CHLSN: variants seen among roughly 807,000 people sequenced by gnomAD.
The protein encoded by CHLSN is cholesin.
chr7:990,464 C>T, the CHLSN span, among the ~76,000 whole-genome samples: 12 of 151,836 alleles, frequency 7.9e-5, no homozygotes, highest in African/African-American at 1.9e-4. Context: ...GAGCGGCAGG[C>T]GGCCCCTCAC....
At chr7:1,003,860 G>A in the CHLSN span, among the ~76,000 whole-genome samples, 2 of 124,550 alleles carry the variant, frequency 1.6e-5, no homozygotes, top group African/African-American at 3.3e-5. Flanking sequence ...GGTGAGTGGA[G>A]TCCTGTGGGT....
chr7:1,012,592 G>A, the CHLSN span, among the ~76,000 whole-genome samples: 237 of 152,362 alleles, frequency 1.6e-3, 3 homozygotes, highest in African/African-American at 5.3e-3. Context: ...CCGTGTCCCC[G>A]AGGGAGCCAC....
chr7:1,096,502 G>A, the CHLSN span, among the ~76,000 whole-genome samples: 5 of 152,306 alleles, frequency 3.3e-5, no homozygotes, highest in South Asian at 2.1e-4. This position sits in a 1 kb window ranked among gnomAD's most constrained non-coding sequence, Gnocchi z 4.6. Flanking sequence ...GGGTGCCGCC[G>A]GCGCAGCCAC....
At chr7:1,113,577 G>A in the CHLSN span, among the ~76,000 whole-genome samples, 10 of 152,218 alleles carry the variant, frequency 6.6e-5, no homozygotes, top group Non-Finnish European at 1.0e-4. Flanking sequence ...GGATGGCAGC[G>A]CTGGGCAGGG....
chr7:1,052,729 C>G, the CHLSN span, among the ~76,000 whole-genome samples: 1 of 151,990 alleles, frequency 6.6e-6, no homozygotes, highest in Non-Finnish European at 1.5e-5. The surrounding 1 kb of genome is among the most constrained non-coding windows in gnomAD (Gnocchi z 4.2). Flanking sequence ...CCCCCGCCAC[C>G]GGGCAGGCAG....
the CHLSN span, chr7:1,057,870 T>A: frequency 1.3e-6 from 1 of 777,348 alleles, no homozygotes; most frequent in Admixed American, 1.7e-5. Context: ...GGCCATGTAC[T>A]CCACCGCCCT....
chr7:1,132,991 G>A, the CHLSN span, among the ~76,000 whole-genome samples: 14 of 152,148 alleles, frequency 9.2e-5, no homozygotes, highest in African/African-American at 3.4e-4. Context: ...TGATGTTCAC[G>A]GCAGTATGTG....
the CHLSN span, chr7:1,028,447 G>A: frequency 7.1e-6 from 7 of 985,600 alleles, no homozygotes; most frequent in Admixed American, 6.1e-5. Flanking sequence ...TGCGGGGACT[G>A]GACCTCGGCG....
the CHLSN span, among the ~76,000 whole-genome samples, chr7:1,023,624 A>AACACACACACACACACACACACACAC: frequency 1.3e-4 from 16 of 122,384 alleles, no homozygotes; most frequent in Admixed American, 5.5e-4. The surrounding 1 kb of genome is among the most constrained non-coding windows in gnomAD (Gnocchi z 5.0). Context: ...CCTCCCAGGA[A>AACACACACACACACACACACACACAC]ACACACACAC....
chr7:1,087,833 A>G, the CHLSN span, among the ~76,000 whole-genome samples: 26 of 152,358 alleles, frequency 1.7e-4, no homozygotes, highest in Admixed American at 1.2e-3. Context: ...ACCCAGGAGG[A>G]CAGGTTATTG....
the CHLSN span, chr7:987,416 C>T: frequency 1.9e-6 from 3 of 1,594,134 alleles, no homozygotes; most frequent in Middle Eastern, 1.7e-4. Context: ...GACCAGCAGG[C>T]TCTGCCCTAC....
the CHLSN span, chr7:1,009,958 G>A: frequency 6.4e-7 from 1 of 1,556,808 alleles, no homozygotes; most frequent in Admixed American, 1.9e-5. Flanking sequence ...ACCTGCAGAG[G>A]TAGTCCAGGG....
At chr7:994,180 CAG>C in the CHLSN span, among the ~76,000 whole-genome samples, 5 of 152,236 alleles carry the variant, frequency 3.3e-5, no homozygotes, top group East Asian at 3.9e-4. Context: ...TTTTTTCAGA[CAG>C]AGTCTCGCTC....
chr7:1,101,540 G>T, the CHLSN span, among the ~76,000 whole-genome samples: 1 of 152,226 alleles, frequency 6.6e-6, no homozygotes, highest in Non-Finnish European at 1.5e-5. Context: ...CCCTTCCCCG[G>T]CTATTCCTGA....
the CHLSN span, among the ~76,000 whole-genome samples, chr7:1,100,168 C>A: frequency 6.6e-6 from 1 of 152,206 alleles, no homozygotes; most frequent in Non-Finnish European, 1.5e-5. Flanking sequence ...CAAGCAGGTG[C>A]GTTCTCCTGT....
At chr7:1,057,726 G>A in the CHLSN span, 2 of 775,386 alleles carry the variant, frequency 2.6e-6, no homozygotes, top group Non-Finnish European at 2.4e-6. Flanking sequence ...CAACATGGCA[G>A]TGGCAGGCCT....
chr7:1,012,814 G>C, the CHLSN span, among the ~76,000 whole-genome samples: 2 of 152,256 alleles, frequency 1.3e-5, no homozygotes, highest in African/African-American at 4.8e-5. Flanking sequence ...GCTGCCCCGT[G>C]CTCGCGCTCG....
the CHLSN span, among the ~76,000 whole-genome samples, chr7:1,014,878 T>A: frequency 7.9e-5 from 12 of 152,218 alleles, no homozygotes; most frequent in African/African-American, 2.9e-4. Context: ...CGAGCACCAA[T>A]TCTGTCTACA....
At chr7:1,075,207 C>T in the CHLSN span, among the ~76,000 whole-genome samples, 5 of 152,098 alleles carry the variant, frequency 3.3e-5, no homozygotes, top group African/African-American at 9.7e-5. Flanking sequence ...ACAAGCTAGA[C>T]GGGTGGTTAG....
Sources: gnomAD v4.1 joint callset for allele counts (sites outside exome capture counted in the v4.1 genomes callset) on GRCh38, gnomAD v4.1.1 for gene constraint, Gnocchi (gnomAD v3.1) non-coding constraint, MANE v1.5 for transcripts, NCBI Gene and HGNC (gene_info 2026-07-23, HGNC 2026-07-21) for gene names.